ERICH3: variants seen among roughly 807,000 people sequenced by gnomAD.
The protein encoded by ERICH3 is glutamate-rich protein 3.
A neutral mutation model predicts 131.1 loss-of-function variants in ERICH3; 126 were observed. The observed-to-expected ratio is 0.96, with a 90% confidence interval of 0.83 to 1.11. The LOEUF is 1.11. ERICH3 is among the 50% of genes most tolerant of loss of function. The pLI, the probability that ERICH3 is intolerant of heterozygous loss-of-function variation, is 0.00. For missense variants in ERICH3, 2,050 were observed against 1,810.7 expected (o/e 1.13, Z -2.40); for synonymous variants, 695 against 644.6 (o/e 1.08, Z -1.18).
chr1:74,601,428 G>T (rs1384113123), intron 10 of ERICH3, among the ~76,000 whole-genome samples: 2 of 151,832 alleles, frequency 1.3e-5, no homozygotes, highest in Non-Finnish European at 2.9e-5. Context: ...AGGTACACAA[G>T]AAATACTGTA....
At chr1:74,589,118 T>TA (rs1294879818) in intron 12 of ERICH3, among the ~76,000 whole-genome samples, 6 of 152,048 alleles carry the variant, frequency 3.9e-5, no homozygotes, top group African/African-American at 1.4e-4. Flanking sequence ...TTTTCATCTG[T>TA]AAAAAAGAGA....
At chr1:74,669,574 A>G (rs1207093541) in intron 1 of ERICH3, among the ~76,000 whole-genome samples, 1 of 152,196 alleles carries the variant, frequency 6.6e-6, no homozygotes, top group Non-Finnish European at 1.5e-5. Flanking sequence ...AGGACAATCA[A>G]TTGTAATTTT....
intron 1 of ERICH3, among the ~76,000 whole-genome samples, chr1:74,663,291 G>A (rs1246683639): frequency 6.6e-6 from 1 of 152,036 alleles, no homozygotes; most frequent in African/African-American, 2.4e-5. Context: ...ATCCCACAAG[G>A]ATGGGAAAAA....
intron 12 of ERICH3, chr1:74,586,462 C>T (rs1043623673): frequency 1.3e-4 from 132 of 984,208 alleles, no homozygotes; most frequent in Non-Finnish European, 1.6e-4. Flanking sequence ...AAAGGTTGGG[C>T]GAGAAAGACT....
chr1:74,584,976 T>C (rs1270971535), intron 12 of ERICH3, among the ~76,000 whole-genome samples: 1 of 152,202 alleles, frequency 6.6e-6, no homozygotes, highest in Non-Finnish European at 1.5e-5. Context: ...ATTTTAGTTA[T>C]ACTATTATTT....
intron 9 of ERICH3, among the ~76,000 whole-genome samples, chr1:74,607,466 T>C (rs1247267714): frequency 2.0e-5 from 3 of 152,024 alleles, no homozygotes. Flanking sequence ...ATAAATATGA[T>C]TGATTTTTTA....
chr1:74,570,940 G>A (rs1424268204), intron 14 of ERICH3, among the ~76,000 whole-genome samples, 159 bp downstream of exon 14: 1 of 152,092 alleles, frequency 6.6e-6, no homozygotes, highest in Admixed American at 6.5e-5. Flanking sequence ...GTCTTTCCCA[G>A]CCCCTTTCCT....
Position 74,589,972 on chromosome 1 carries a change from T to G in ERICH3, c.1835A>C (p.Asp612Ala). 2 of 1,614,014 alleles carry G rather than the reference T, an allele frequency of 1.2e-6. No homozygotes were observed. The highest frequency in any genetic ancestry group is 1.7e-6 in the Non-Finnish European group (2 of 1,179,934). Residue 612 changes from aspartate (D) to alanine (A), a missense_variant, in exon 12 of 15, where the codon GAT (aspartate) becomes GCT (alanine). Asp to Ala is a moderately radical substitution (Grantham distance 126). Transcript: ENST00000326665. ...AGAAGATGACCTTCTGGCACTTTCA[T>G]CTGTGCTGCTGTCAGTGTGGGCTTC... ...DREAHTDSSTDESARRSSSQE... is the reference protein window; with the variant it reads ...DREAHTDSSTAESARRSSSQE...
At chr1:74,654,403 G>A (rs1326879203) in intron 1 of ERICH3, among the ~76,000 whole-genome samples, 1 of 151,266 alleles carries the variant, frequency 6.6e-6, no homozygotes, top group East Asian at 1.9e-4. Flanking sequence ...AGTAGGATAT[G>A]TATATCCTAC....
chr1:74,620,402 T>G (rs1374050936), intron 8 of ERICH3, among the ~76,000 whole-genome samples: 1 of 152,192 alleles, frequency 6.6e-6, no homozygotes, highest in Non-Finnish European at 1.5e-5. Flanking sequence ...TATGGCATAA[T>G]TCACTATGGC....
intron 10 of ERICH3, among the ~76,000 whole-genome samples, chr1:74,601,892 A>G (rs1648152025): frequency 6.6e-6 from 1 of 151,902 alleles, no homozygotes; most frequent in African/African-American, 2.4e-5. Flanking sequence ...ATACAACGCT[A>G]TGGTGAGTAT....
chr1:74,583,093 T>C (rs1391829171), intron 12 of ERICH3, among the ~76,000 whole-genome samples: 1 of 152,114 alleles, frequency 6.6e-6, no homozygotes, highest in Non-Finnish European at 1.5e-5. Flanking sequence ...CAGTTCTCCA[T>C]GGTAAAGCTT....
Position 74,579,425 on chromosome 1 carries a change from G to C in ERICH3, c.2177-2489C>G, listed in dbSNP as rs1177070190. ...TCACTCAGAAATGATAGTGAAGCTT[G>C]TAGTCCCTCTGTCTCAGGGATGTTA... is the stretch of plus-strand genomic sequence containing the variant. On this transcript the variant is annotated intron_variant, in intron 12 of 14. Coordinates refer to ENST00000326665, the MANE Select transcript of ERICH3 (RefSeq NM_001002912.5). 6 of 985,270 alleles carry C rather than the reference G, an allele frequency of 6.1e-6. No individual in the cohort carries two copies. In the African/African-American group the frequency reaches 1.0e-4, roughly 17 times the overall value. The allele number at this position is 985,270 out of a possible 1,614,324, so 61.0% of individuals were successfully genotyped here.
At chr1:74,669,991 T>C (rs2100662575) in intron 1 of ERICH3, among the ~76,000 whole-genome samples, 1 of 152,336 alleles carries the variant, frequency 6.6e-6, no homozygotes, top group East Asian at 1.9e-4. Context: ...ATGAAACCTT[T>C]TATTTGCTAC....
At chr1:74,641,278 TAATA>T in intron 5 of ERICH3, 49 bp downstream of exon 5, 1 of 1,587,552 alleles carries the variant, frequency 6.3e-7, no homozygotes, top group East Asian at 2.3e-5. Context: ...GAATAAGAAA[TAATA>T]AATTAATTAG....
At chr1:74,671,439 G>C (rs2100664096) in intron 1 of ERICH3, among the ~76,000 whole-genome samples, 1 of 152,224 alleles carries the variant, frequency 6.6e-6, no homozygotes, top group South Asian at 2.1e-4. Flanking sequence ...AAACTTGCTG[G>C]TTTGAGACTC....
chr1:74,601,186 T>G (rs1480891563), intron 10 of ERICH3, among the ~76,000 whole-genome samples: 1 of 151,926 alleles, frequency 6.6e-6, no homozygotes, highest in Non-Finnish European at 1.5e-5. Context: ...TGCTTTATGT[T>G]GCTAGACACA....
rs372892796 is a variant in ERICH3 at position 74,573,320 on chromosome 1, A to G, written c.2390T>C (p.Leu797Pro). Residue 797 changes from leucine (L) to proline (P), a missense_variant, in exon 14 of 15, where the codon CTG (leucine) becomes CCG (proline). By Grantham distance (98) the Leu-to-Pro change is moderately conservative. Transcript: ENST00000326665. ...ATGAACAGCTCCTGCTTCTCCCCACAGTGCTGCCTCCCCTTTTCCCTGTAC... is the reference window on the plus strand; with the variant it reads ...ATGAACAGCTCCTGCTTCTCCCCACGGTGCTGCCTCCCCTTTTCCCTGTAC... ...DIVQGKGEAA[L>P]WGEAGAVHEA... 5.6e-6 allele frequency: 9 copies of G among 1,604,456 alleles called. No homozygotes were observed. In the African/African-American group the frequency reaches 1.1e-4, roughly 19 times the overall value.
At chr1:74,646,578 A>C in intron 3 of ERICH3, 89 bp downstream of exon 3, 1 of 829,768 alleles carries the variant, frequency 1.2e-6, no homozygotes, top group Non-Finnish European at 1.7e-6. Flanking sequence ...TCAATTACAA[A>C]GAAAATAGTA....
Sources: gnomAD v4.1 joint callset for allele counts (sites outside exome capture counted in the v4.1 genomes callset) on GRCh38, gnomAD v4.1.1 for gene constraint, MANE v1.5 for transcripts, NCBI Gene and HGNC (gene_info 2026-07-23, HGNC 2026-07-21) for gene names.